Variants in PATL1 observed in about 807,000 individuals in gnomAD.
PATL1 encodes the protein protein PAT1 homolog 1.
Under a neutral mutation model 100.6 loss-of-function variants are expected in PATL1, and 32 were observed. That is an observed-to-expected ratio of 0.32 (90% CI 0.24 to 0.43). The LOEUF (loss-of-function observed/expected upper bound fraction) is 0.43. Ranked by LOEUF, PATL1 falls within the 20% of genes least tolerant of loss-of-function variation. The pLI is 1.00. For missense variants in PATL1, 747 were observed against 949.9 expected (o/e 0.79, Z 2.81); for synonymous variants, 332 against 330.0 (o/e 1.01, Z -0.07).
chr11:59,667,232 C>T (rs905337758), intron 1 of PATL1: 6 of 369,038 alleles, frequency 1.6e-5, no homozygotes, highest in African/African-American at 2.2e-5. Flanking sequence ...CAAGAATCCA[C>T]GAACAGCAGT....
At chr11:59,655,434 A>C in intron 8 of PATL1, 89 bp downstream of exon 8, 3 of 1,172,724 alleles carry the variant, frequency 2.6e-6, no homozygotes, top group East Asian at 5.2e-5. Flanking sequence ...ATTTATAGTT[A>C]GCAAATATCA....
chr11:59,660,939 T>C (rs1861617184), intron 2 of PATL1, among the ~76,000 whole-genome samples: 1 of 152,208 alleles, frequency 6.6e-6, no homozygotes, highest in Non-Finnish European at 1.5e-5. Context: ...GGAATCCCAT[T>C]ACAGCACAGA....
chr11:59,639,028 C>G lies in PATL1; in HGVS notation c.2291+20G>C, dbSNP rs373645876. ...GTCCCAACTTTAGTGAGATGTGAAA[C>G]TCTCCTGTTTCAAACTTACTGCAGT... On this transcript the variant is annotated intron_variant, in intron 18 of 18. Transcript: ENST00000300146. 7 of 1,610,116 alleles carry G rather than the reference C, an allele frequency of 4.3e-6. No homozygotes were observed. The East Asian group carries it at 1.1e-4, about 26-fold the overall frequency.
chr11:59,657,506 T>C, intron 5 of PATL1, 24 bp downstream of exon 5: 1 of 1,548,340 alleles, frequency 6.5e-7, no homozygotes, highest in Non-Finnish European at 8.8e-7. Context: ...TATCCTGGGC[T>C]GTGTGCTTGT....
intron 6 of PATL1, 51 bp downstream of exon 6, chr11:59,656,448 G>T: frequency 6.9e-7 from 1 of 1,447,882 alleles, no homozygotes; most frequent in Non-Finnish European, 9.6e-7. Context: ...CTTACAAATA[G>T]TGATCAGAAA....
intron 15 of PATL1, among the ~76,000 whole-genome samples, chr11:59,645,860 T>A (rs1390580626): frequency 6.6e-6 from 1 of 152,194 alleles, no homozygotes; most frequent in East Asian, 1.9e-4. Flanking sequence ...GGATATCTTG[T>A]ACATTTCATG....
chr11:59,657,779 GTA>G, intron 4 of PATL1, 55 bp from the exon 5 acceptor site: 1 of 1,407,838 alleles, frequency 7.1e-7, no homozygotes, highest in Non-Finnish European at 9.5e-7. Context: ...GTATGTTTTA[GTA>G]ATCTCTACAG....
chr11:59,656,574 A>G lies in PATL1; in HGVS notation c.648T>C (p.Val216=). 6.2e-7 allele frequency: 1 copy of G among 1,614,006 alleles called. No individual in the cohort carries two copies. Among genetic ancestry groups the G allele is most frequent in the Non-Finnish European group, 8.5e-7 (1 of 1,179,884 alleles). The change falls in exon 6 of 19, where the codon GTT becomes GTC. Residue 216 remains valine (V), a synonymous_variant. Coordinates refer to ENST00000300146, the MANE Select transcript of PATL1 (RefSeq NM_152716.3). Reference sequence around the variant, plus strand: ...GATAACGAGGTGGCATTGGGGGCCGAACATGGACAGGCTTCGGACACAGAA... The same window carrying G: ...GATAACGAGGTGGCATTGGGGGCCGGACATGGACAGGCTTCGGACACAGAA... ...QQILCPKPVH[V]RPPMPPRYPA...
chr11:59,659,015 G>A (rs1861589276), intron 3 of PATL1, 69 bp from the exon 4 acceptor site: 1 of 1,367,802 alleles, frequency 7.3e-7, no homozygotes, highest in Non-Finnish European at 1.0e-6. Flanking sequence ...TCTGCTGCTG[G>A]GGAACAAGGT....
intron 13 of PATL1, 130 bp downstream of exon 13, chr11:59,650,620 CACTT>C (rs1861429136): frequency 1.6e-6 from 1 of 615,736 alleles, no homozygotes; most frequent in South Asian, 2.3e-5. Flanking sequence ...ACACAATAGT[CACTT>C]ACCAGCAATA....
intron 2 of PATL1, among the ~76,000 whole-genome samples, chr11:59,666,035 C>T (rs1316107264): frequency 6.6e-6 from 1 of 152,106 alleles, no homozygotes; most frequent in Non-Finnish European, 1.5e-5. Flanking sequence ...GGCCTGTAAT[C>T]CCAGCACTTT....
At chr11:59,664,575 T>C (rs1201599868) in intron 2 of PATL1, among the ~76,000 whole-genome samples, 1 of 152,246 alleles carries the variant, frequency 6.6e-6, no homozygotes, top group Non-Finnish European at 1.5e-5. Context: ...ATTTTTAAAG[T>C]ATTTAATTAA....
intron 15 of PATL1, among the ~76,000 whole-genome samples, chr11:59,643,602 G>A (rs778015194): frequency 1.1e-4 from 17 of 152,062 alleles, no homozygotes; most frequent in Non-Finnish European, 2.2e-4. Flanking sequence ...TGAGGTGGTA[G>A]GTTTGCTTGA....
At chr11:59,650,216 A>G (rs996094043) in intron 13 of PATL1, among the ~76,000 whole-genome samples, 4 of 152,182 alleles carry the variant, frequency 2.6e-5, no homozygotes, top group African/African-American at 9.7e-5. Context: ...GACAGCATAG[A>G]AAGGTTAAAT....
chr11:59,654,118 C>A, intron 8 of PATL1, 46 bp from the exon 9 acceptor site: 1 of 1,493,918 alleles, frequency 6.7e-7, no homozygotes, highest in Non-Finnish European at 9.3e-7. Flanking sequence ...ATCCTGATGA[C>A]TTGAAATTTT....
intron 7 of PATL1, 107 bp from the exon 8 acceptor site, chr11:59,655,847 T>A: frequency 7.2e-7 from 1 of 1,386,968 alleles, no homozygotes; most frequent in Non-Finnish European, 9.9e-7. Context: ...TTTGAAAAAG[T>A]AAAGGCAAAA....
chr11:59,639,320 C>G lies in PATL1; in HGVS notation c.2113G>C (p.Ala705Pro). ...TGATTATTTTGTGTTGATTCTGTAGCAGGGTCTGAACTCTGTAGGTCTTCA... is the reference window on the plus strand; with the variant it reads ...TGATTATTTTGTGTTGATTCTGTAGGAGGGTCTGAACTCTGTAGGTCTTCA... ...RGEDLQSSDPATESTQNNQWT... is the reference protein window; with the variant it reads ...RGEDLQSSDPPTESTQNNQWT... The change falls in exon 17 of 19, where the codon GCT (alanine) becomes CCT (proline). Residue 705 changes from alanine (A) to proline (P), a missense_variant. Coordinates refer to ENST00000300146, the MANE Select transcript of PATL1 (RefSeq NM_152716.3). 4 of 1,551,618 alleles carry G rather than the reference C, an allele frequency of 2.6e-6. No individual in the cohort carries two copies. The South Asian group carries it at 4.8e-5, about 18-fold the overall frequency.
At chr11:59,655,891 T>C in intron 7 of PATL1, 65 bp downstream of exon 7, 1 of 1,380,238 alleles carries the variant, frequency 7.2e-7, no homozygotes, top group Admixed American at 2.0e-5. Context: ...AAAAAGGGGC[T>C]ATTATCTAAT....
At chr11:59,642,762 C>T (rs1401497894) in intron 16 of PATL1, 118 bp downstream of exon 16, 1 of 1,135,762 alleles carries the variant, frequency 8.8e-7, no homozygotes, top group East Asian at 2.5e-5. Context: ...CTTAATGTAA[C>T]TCTTGACTGA....
Sources: gnomAD v4.1 joint callset for allele counts (sites outside exome capture counted in the v4.1 genomes callset) on GRCh38, gnomAD v4.1.1 for gene constraint, MANE v1.5 for transcripts, NCBI Gene and HGNC (gene_info 2026-07-23, HGNC 2026-07-21) for gene names.